Variants in FAM13B observed in about 807,000 individuals in gnomAD.
The protein encoded by FAM13B is protein FAM13B.
FAM13B carries 60 observed loss-of-function variants against 117.3 expected under a neutral mutation model. The ratio of observed to expected loss-of-function variants is 0.51; its 90% CI spans 0.42 to 0.63. FAM13B has a LOEUF of 0.63. FAM13B is among the 30% of genes least tolerant of loss of function. The pLI, the probability that FAM13B is intolerant of heterozygous loss-of-function variation, is 0.00. For synonymous variants in FAM13B, 332 were observed against 356.1 expected (o/e 0.93, Z 0.76); for missense variants, 972 against 1,091.9 (o/e 0.89, Z 1.55).
At chr5:137,985,446 A>C in intron 9 of FAM13B, 57 bp from the exon 10 acceptor site, 3 of 1,506,768 alleles carry the variant, frequency 2.0e-6, no homozygotes, top group Non-Finnish European at 2.7e-6. Context: ...TAATGCCTTT[A>C]CTTTAAAATA....
Position 137,942,875 on chromosome 5 carries a change from A to G in FAM13B, c.2588T>C (p.Met863Thr). 1 of 1,603,744 alleles carries G rather than the reference A, an allele frequency of 6.2e-7. No individual in the cohort carries two copies. The highest frequency in any genetic ancestry group is 8.5e-7 in the Non-Finnish European group (1 of 1,177,444). Residue 863 changes from methionine (M) to threonine (T), a missense_variant and splice_region_variant, in exon 22 of 24, where the codon ATG becomes ACG. Met to Thr is a moderately conservative substitution (Grantham distance 81). Coordinates refer to ENST00000689681, the MANE Select transcript of FAM13B (RefSeq NM_001385994.1). The part of the protein sequence containing the change: ...LRLSSSRAAS[M>T]PELLEQLWKA... ...TAAAATCACAAATCAGCATACATAC[A>G]TAGAAGCTGCTCGAGAACTTGACAA...
At chr5:137,946,145 C>G in intron 19 of FAM13B, 83 bp downstream of exon 19, 1 of 1,327,492 alleles carries the variant, frequency 7.5e-7, no homozygotes, top group South Asian at 1.3e-5. Flanking sequence ...CAAAAAACAG[C>G]CCTGAAGAAT....
rs550338769 is a variant in FAM13B, at chr5:137,947,398, C to T, written c.2161-1087G>A. ...AATCAGTCTTAAACCAAAGATAATA[C>T]ATTTGCATAAAGTTGTAGCAGGTAG... On this transcript the variant is annotated intron_variant, in intron 18 of 23. Coordinates refer to ENST00000689681, the MANE Select transcript of FAM13B (RefSeq NM_001385994.1). Among the ~76,000 whole-genome samples the T allele has an allele frequency of 3.3e-5, 5 of 152,238 alleles. No homozygotes were observed. In the South Asian group the frequency reaches 1.0e-3, roughly 32 times the overall value.
At chr5:137,957,540 CAAAAAAAAAA>C (rs35104775) in intron 13 of FAM13B, among the ~76,000 whole-genome samples, 2 of 55,432 alleles carry the variant, frequency 3.6e-5, no homozygotes, top group Admixed American at 1.8e-4. Context: ...AACTCCGTCT[CAAAAAAAAAA>C]AAAAAAAAAA....
Position 137,938,906 on chromosome 5 carries a change from CAATCCA to C in FAM13B, c.*1313_*1318del, listed in dbSNP as rs1177699233. The C allele has an allele frequency of 6.6e-6, 1 of 151,946 alleles. No homozygotes were observed. Among genetic ancestry groups the C allele is most frequent in the African/African-American group, 2.4e-5 (1 of 41,354 alleles). The allele number at this position is 151,946 out of a possible 1,614,324, so 9.4% of individuals were successfully genotyped here. ...GGTATAGTCAAAGTGAGACAGTCAT[CAATCCA>C]AAAAAGCACCAGAAAAAAAAGTTAA... On this transcript the variant is annotated 3_prime_UTR_variant, in exon 24 of 24. Transcript: ENST00000689681.
intron 11 of FAM13B, among the ~76,000 whole-genome samples, chr5:137,962,046 T>C (rs755927630): frequency 6.6e-6 from 1 of 152,206 alleles, no homozygotes; most frequent in African/African-American, 2.4e-5. Flanking sequence ...TCAAATACAG[T>C]ATCTCTCAGT....
chr5:137,986,429 C>CCT (rs1009928166), intron 9 of FAM13B, among the ~76,000 whole-genome samples: 3 of 52,612 alleles, frequency 5.7e-5, no homozygotes, highest in African/African-American at 1.4e-4. Flanking sequence ...CTCATCTTCC[C>CCT]CCCCCCAAAA....
chr5:138,045,531 T>A (rs1286089145), intron 1 of FAM13B, among the ~76,000 whole-genome samples: 2 of 151,342 alleles, frequency 1.3e-5, no homozygotes, highest in African/African-American at 4.9e-5. Context: ...AGACCCCATC[T>A]CAAAAACAAA....
chr5:138,029,411 G>A, intron 1 of FAM13B, among the ~76,000 whole-genome samples: 1 of 152,194 alleles, frequency 6.6e-6, no homozygotes, highest in East Asian at 1.9e-4. Context: ...TGCTGGAAAT[G>A]TTTTGCAGTT....
In FAM13B at chr5:137,981,177, A is replaced by G. The variant is rs145824424; in HGVS notation, c.1179+4080T>C. On this transcript the variant is annotated intron_variant, in intron 10 of 23. Transcript: ENST00000689681. ...GGTTTCAAACTCCCAGGCTCAAATG[A>G]CGCTCTCACCATGACCTCCCAAAGT... Among the ~76,000 whole-genome samples the G allele has an allele frequency of 1.3e-3, 187 of 147,718 alleles. 4 individuals carry two copies. The highest frequency in any genetic ancestry group is 0.011 in the Middle Eastern group (3 of 276).
chr5:137,997,188 G>A (rs1300601895), intron 7 of FAM13B, among the ~76,000 whole-genome samples: 1 of 152,108 alleles, frequency 6.6e-6, no homozygotes, highest in Non-Finnish European at 1.5e-5. Context: ...AGCTAAATGA[G>A]GCCAGATGCC....
intron 13 of FAM13B, 22 bp from the exon 14 acceptor site, chr5:137,956,564 CA>C: frequency 6.4e-7 from 1 of 1,557,304 alleles, no homozygotes. Flanking sequence ...GAAAAAATGG[CA>C]AAAAATACTA....
intron 11 of FAM13B, among the ~76,000 whole-genome samples, chr5:137,960,539 A>G (rs1767860368): frequency 1.3e-5 from 2 of 152,322 alleles, no homozygotes; most frequent in South Asian, 4.1e-4. Flanking sequence ...GAATGAATGT[A>G]TAATAAAGAT....
intron 18 of FAM13B, among the ~76,000 whole-genome samples, chr5:137,948,660 G>A (rs1485394332): frequency 6.6e-6 from 1 of 152,134 alleles, no homozygotes; most frequent in Non-Finnish European, 1.5e-5. Flanking sequence ...CTCTGAAATT[G>A]CTGGAATTGA....
intron 1 of FAM13B, among the ~76,000 whole-genome samples, chr5:138,044,301 C>T (rs1791581403): frequency 6.6e-6 from 1 of 152,060 alleles, no homozygotes; most frequent in South Asian, 2.1e-4. Flanking sequence ...CCTCTATTCC[C>T]AGCACTTTGG....
intron 1 of FAM13B, among the ~76,000 whole-genome samples, chr5:138,024,303 A>C (rs1787580014): frequency 6.6e-6 from 1 of 152,182 alleles, no homozygotes; most frequent in Non-Finnish European, 1.5e-5. Context: ...GACAAGATAC[A>C]CAGAGACACA....
intron 17 of FAM13B, 35 bp from the exon 18 acceptor site, chr5:137,949,219 T>C (rs1342122403): frequency 1.0e-5 from 16 of 1,565,212 alleles, no homozygotes; most frequent in African/African-American, 4.1e-5. Context: ...TCAGTAATAA[T>C]TGGTTTTAGC....
At position 137,988,295 on chromosome 5, in the gene FAM13B, C is replaced by A. The variant is rs759601021; in HGVS notation, c.869G>T (p.Ser290Ile). The change falls in exon 8 of 24, where the codon AGC (serine) becomes ATC (isoleucine). Residue 290 changes from serine (S) to isoleucine (I), a missense_variant. Transcript: ENST00000689681. ...TTACTCTGTAGAGGCTGGTAGGATGCTGATGGGAGATATATGGGTGCTGCA... is the reference window on the plus strand; with the variant it reads ...TTACTCTGTAGAGGCTGGTAGGATGATGATGGGAGATATATGGGTGCTGCA... ...TATSTHISPI[S>I]ILPASTDILE... is the part of the protein sequence containing the mutation. 2 of 1,556,872 alleles carry A rather than the reference C, an allele frequency of 1.3e-6. No homozygotes were observed. Among genetic ancestry groups the A allele is most frequent in the Non-Finnish European group, 8.6e-7 (1 of 1,162,154 alleles).
intron 10 of FAM13B, among the ~76,000 whole-genome samples, chr5:137,962,677 TA>T (rs1768497580): frequency 1.3e-5 from 2 of 152,168 alleles, no homozygotes; most frequent in Admixed American, 1.3e-4. Flanking sequence ...GTATAGCAGG[TA>T]CTCTGCATTT....
Sources: allele counts gnomAD v4.1 joint callset (sites outside exome capture counted in the v4.1 genomes callset), GRCh38; gene constraint gnomAD v4.1.1; transcripts MANE v1.5; gene names NCBI Gene and HGNC (gene_info 2026-07-23, HGNC 2026-07-21).